DCAF1: variants seen among roughly 807,000 people sequenced by gnomAD.
The protein encoded by DCAF1 is DDB1- and CUL4-associated factor 1.
A neutral mutation model predicts 128.0 loss-of-function variants in DCAF1; 15 were observed. The ratio of observed to expected loss-of-function variants is 0.12; its 90% CI spans 0.08 to 0.18. The LOEUF (loss-of-function observed/expected upper bound fraction) is 0.18, where lower values mean the gene tolerates loss of function less well. Ranked by LOEUF, DCAF1 falls within the 10% of genes least tolerant of loss-of-function variation. The pLI, the probability that DCAF1 is intolerant of heterozygous loss-of-function variation, is 1.00. For missense variants in DCAF1, 988 were observed against 1,649.5 expected (o/e 0.60, Z 6.95); for synonymous variants, 610 against 603.0 (o/e 1.01, Z -0.17).
intron 9 of DCAF1, chr3:51,437,511 T>A: frequency 2.7e-6 from 1 of 375,646 alleles, no homozygotes; most frequent in Non-Finnish European, 5.4e-6. Flanking sequence ...TAAAATTACT[T>A]TTTTATAAAA....
At chr3:51,439,408 G>A (rs1423976687) in intron 9 of DCAF1, among the ~76,000 whole-genome samples, 4 of 150,408 alleles carry the variant, frequency 2.7e-5, no homozygotes, top group African/African-American at 7.4e-5. Flanking sequence ...GATTACAGGC[G>A]TGAGCTAACG....
intron 17 of DCAF1, among the ~76,000 whole-genome samples, chr3:51,417,704 A>C (rs1699012317): frequency 1.3e-5 from 2 of 151,676 alleles, no homozygotes; most frequent in Admixed American, 6.6e-5. Context: ...TGGGCGACAG[A>C]ACGAGACTCT....
chr3:51,471,189 CTTT>C (rs201168888), intron 3 of DCAF1, among the ~76,000 whole-genome samples, 184 bp from the exon 4 acceptor site: 4 of 139,920 alleles, frequency 2.9e-5, no homozygotes, highest in African/African-American at 2.6e-5. Flanking sequence ...CAAACTCATT[CTTT>C]TTTTTTTTTT....
chr3:51,402,205 G>A (rs2089753780), intron 24 of DCAF1, among the ~76,000 whole-genome samples: 1 of 152,164 alleles, frequency 6.6e-6, no homozygotes, highest in African/African-American at 2.4e-5. Flanking sequence ...AAGCCAAAGG[G>A]AAAATATTTT....
At chr3:51,483,609 TTGTGTGTGTGTGTG>T (rs57475291) in intron 3 of DCAF1, 96 bp downstream of exon 3, 13 of 475,852 alleles carry the variant, frequency 2.7e-5, no homozygotes, top group South Asian at 6.5e-5. Flanking sequence ...TTAAACTAGT[TTGTGTGTGTGTGTG>T]TGTGTGTGTG....
chr3:51,454,654 C>T lies in DCAF1; in HGVS notation c.375+8460G>A, dbSNP rs371940253. Among the ~76,000 whole-genome samples the T allele has an allele frequency of 8.1e-4, 124 of 152,222 alleles. 3 individuals are homozygous for T. In the South Asian group the frequency reaches 0.022, roughly 27 times the overall value. The stretch of plus-strand genomic sequence containing the variant: ...CTGGGATTACAGGCGTGAGCCACGA[C>T]GCCCAGCCCCTAATTTTTGTTTTGT... On this transcript the variant is annotated intron_variant, in intron 6 of 24. Transcript: ENST00000684031.
At chr3:51,417,849 T>A (rs1553630915) in intron 17 of DCAF1, among the ~76,000 whole-genome samples, 2 of 151,758 alleles carry the variant, frequency 1.3e-5, no homozygotes, top group African/African-American at 2.4e-5. Flanking sequence ...CAGCAAAGAC[T>A]GCAATGTCCT....
In DCAF1 at chr3:51,420,240, T is replaced by G; in HGVS notation, c.2730A>C (p.Ala910=). The change falls in exon 15 of 25, where the codon GCA becomes GCC. Residue 910 remains alanine (A), a synonymous_variant. Coordinates refer to ENST00000684031, the MANE Select transcript of DCAF1 (RefSeq NM_001387579.1). The surrounding 1 kb of genome is among the most constrained non-coding windows in gnomAD (Gnocchi z 6.5). ...PRTPRIANGI[A]TRLGSHAAVG... Reference sequence around the variant, plus strand: ...CAGCAGCATGGCTGCCCAGACGAGTTGCAATGCCATTAGCGATACGAGGGG... The same window carrying G: ...CAGCAGCATGGCTGCCCAGACGAGTGGCAATGCCATTAGCGATACGAGGGG... 1 of 1,613,990 alleles carries G rather than the reference T, an allele frequency of 6.2e-7. No homozygotes were observed. Among genetic ancestry groups the G allele is most frequent in the South Asian group, 1.1e-5 (1 of 91,080 alleles).
intron 13 of DCAF1, among the ~76,000 whole-genome samples, chr3:51,423,403 G>A (rs1699598478): frequency 6.6e-6 from 1 of 151,946 alleles, no homozygotes; most frequent in Non-Finnish European, 1.5e-5. Context: ...TCGGGAGGTT[G>A]AGGCAGGAGA....
intron 3 of DCAF1, among the ~76,000 whole-genome samples, chr3:51,481,627 G>A (rs1389043865): frequency 3.3e-5 from 5 of 152,046 alleles, no homozygotes; most frequent in Admixed American, 2.0e-4. Context: ...CCTAGGAGGT[G>A]GGGGTTGCAG....
intron 9 of DCAF1, chr3:51,440,086 C>T (rs971768413): frequency 4.2e-6 from 2 of 474,492 alleles, no homozygotes; most frequent in Non-Finnish European, 4.1e-6. Flanking sequence ...TTTTCCTCTC[C>T]TATTCAGCAA....
At chr3:51,422,995 GA>G (rs1188257702) in intron 13 of DCAF1, among the ~76,000 whole-genome samples, 1 of 151,920 alleles carries the variant, frequency 6.6e-6, no homozygotes, top group African/African-American at 2.4e-5. Context: ...CTATGCCCAG[GA>G]AGTTGAGGCT....
chr3:51,423,057 G>C (rs188943213), intron 13 of DCAF1, among the ~76,000 whole-genome samples: 8 of 151,206 alleles, frequency 5.3e-5, no homozygotes, highest in African/African-American at 1.9e-4. Context: ...AACAGAGTGA[G>C]AGCCTGTCTC....
In DCAF1 at chr3:51,414,651, T is replaced by G; in HGVS notation, c.3810A>C (p.Gly1270=). 1 of 1,614,052 alleles carries G rather than the reference T, an allele frequency of 6.2e-7. No individual in the cohort carries two copies. Among genetic ancestry groups the G allele is most frequent in the Non-Finnish European group, 8.5e-7 (1 of 1,179,902 alleles). ...TCTCAGTATTAATGATCACCTCCAG[T>G]CCATTTGGATGGAAAACACCACTGA... is the stretch of plus-strand genomic sequence containing the variant. ...MNISGVFHPN[G]LEVIINTEIW... Residue 1270 remains glycine (G), a synonymous_variant, in exon 19 of 25, where the codon GGA becomes GGC. Coordinates refer to ENST00000684031, the MANE Select transcript of DCAF1 (RefSeq NM_001387579.1).
chr3:51,504,849 C>G (rs530334817), upstream of DCAF1, among the ~76,000 whole-genome samples: 1 of 152,084 alleles, frequency 6.6e-6, no homozygotes, highest in Non-Finnish European at 1.5e-5. Flanking sequence ...CACGGTGGCT[C>G]ACACCTGTAA....
chr3:51,483,244 G>C (rs1435879410), intron 3 of DCAF1, among the ~76,000 whole-genome samples: 1 of 150,542 alleles, frequency 6.6e-6, no homozygotes, highest in Non-Finnish European at 1.5e-5. Flanking sequence ...TTCGAGACCA[G>C]CCTGATCAAC....
At chr3:51,503,226 C>T (rs538952142), upstream of DCAF1, among the ~76,000 whole-genome samples, 1 of 152,234 alleles carries the variant, frequency 6.6e-6, no homozygotes, top group Non-Finnish European at 1.5e-5. Context: ...TGCCCAGCAG[C>T]AGAGAAAAGG....
At chr3:51,401,285 G>A (rs1270739200) in intron 24 of DCAF1, among the ~76,000 whole-genome samples, 1 of 152,146 alleles carries the variant, frequency 6.6e-6, no homozygotes, top group African/African-American at 2.4e-5. Context: ...TAGTTTCTAT[G>A]GCTTTCACCC....
At chr3:51,492,734 C>T (rs1245009097) in intron 2 of DCAF1, among the ~76,000 whole-genome samples, 3 of 152,166 alleles carry the variant, frequency 2.0e-5, no homozygotes, top group East Asian at 1.9e-4. Flanking sequence ...GTGGCTCATG[C>T]TTGCAATCTC....
Sources: gnomAD v4.1 joint callset for allele counts (sites outside exome capture counted in the v4.1 genomes callset) on GRCh38, gnomAD v4.1.1 for gene constraint, Gnocchi (gnomAD v3.1) non-coding constraint, MANE v1.5 for transcripts, NCBI Gene and HGNC (gene_info 2026-07-23, HGNC 2026-07-21) for gene names.